Variants in EXOC2 observed in about 807,000 individuals in gnomAD.
The protein encoded by EXOC2 is exocyst complex component 2.
Under a neutral mutation model 131.8 loss-of-function variants are expected in EXOC2, and 70 were observed. That is an observed-to-expected ratio of 0.53 (90% confidence interval 0.44 to 0.65). The LOEUF (loss-of-function observed/expected upper bound fraction) is 0.65, where lower values mean the gene tolerates loss of function less well. EXOC2 is among the 30% of genes least tolerant of loss of function. The pLI, the probability that EXOC2 is intolerant of heterozygous loss-of-function variation, is 0.00. For synonymous variants in EXOC2, 411 were observed against 398.4 expected, an observed-to-expected ratio of 1.03 and a Z score of -0.38; for missense variants, 923 against 1,108.6, an observed-to-expected ratio of 0.83 and a Z score of 2.38.
chr6:551,148 G>A (rs554926506), intron 21 of EXOC2, among the ~76,000 whole-genome samples: 2 of 152,252 alleles, frequency 1.3e-5, no homozygotes, highest in South Asian at 2.1e-4. Context: ...AAACAACGCC[G>A]CCCATCAAAT....
chr6:539,396 G>A (rs573847437), intron 22 of EXOC2, among the ~76,000 whole-genome samples: 250 of 151,594 alleles, frequency 1.6e-3, no homozygotes, highest in Admixed American at 4.0e-3. Flanking sequence ...CTCACGCACC[G>A]GCACTGATGC....
chr6:692,298 A>C (rs1015333998), intron 1 of EXOC2, among the ~76,000 whole-genome samples: 3 of 152,252 alleles, frequency 2.0e-5, no homozygotes, highest in African/African-American at 7.2e-5. Context: ...GAGTTCTTTC[A>C]AGAACTATTT....
intron 10 of EXOC2, among the ~76,000 whole-genome samples, chr6:593,022 G>A (rs1312635730): frequency 7.9e-5 from 12 of 152,076 alleles, no homozygotes; most frequent in South Asian, 6.2e-4. Flanking sequence ...AGAGTGAGAC[G>A]CCATCTCCAA....
intron 22 of EXOC2, among the ~76,000 whole-genome samples, chr6:539,210 G>C (rs531437359): frequency 3.7e-4 from 57 of 152,194 alleles, no homozygotes; most frequent in African/African-American, 1.0e-3. Context: ...CACTGAATTC[G>C]TACATATTAG....
At chr6:642,150 C>G (rs1279893197) in intron 1 of EXOC2, among the ~76,000 whole-genome samples, 3 of 152,110 alleles carry the variant, frequency 2.0e-5, no homozygotes, top group African/African-American at 7.2e-5. Context: ...GAGAAATTTC[C>G]AAGTTTATTA....
chr6:544,158 T>A (rs1340720491), intron 22 of EXOC2, among the ~76,000 whole-genome samples: 1 of 152,216 alleles, frequency 6.6e-6, no homozygotes, highest in African/African-American at 2.4e-5. Flanking sequence ...ACTCCTTATT[T>A]CCTGCACTTC....
chr6:606,954 TAAG>T (rs1561918284), intron 7 of EXOC2, among the ~76,000 whole-genome samples: 1 of 152,134 alleles, frequency 6.6e-6, no homozygotes, highest in Non-Finnish European at 1.5e-5. Flanking sequence ...CACTGGGAGA[TAAG>T]GAGGTAGCAC....
chr6:668,009 G>A (rs978039767), intron 1 of EXOC2, among the ~76,000 whole-genome samples: 2 of 152,064 alleles, frequency 1.3e-5, no homozygotes, highest in Admixed American at 6.5e-5. Flanking sequence ...ATTCTTCCTT[G>A]CATGGTTTCT....
chr6:603,610 CTTCT>C (rs1333837886), intron 7 of EXOC2, among the ~76,000 whole-genome samples: 2 of 151,906 alleles, frequency 1.3e-5, no homozygotes, highest in Non-Finnish European at 1.5e-5. Flanking sequence ...TTTCTATCTT[CTTCT>C]TTTTTTTTTT....
chr6:505,818 A>C (rs1013820004), intron 23 of EXOC2, among the ~76,000 whole-genome samples: 4 of 152,364 alleles, frequency 2.6e-5, no homozygotes, highest in African/African-American at 9.6e-5. Context: ...AGATGGCACA[A>C]GATGTTCAAA....
At chr6:554,460 C>T (rs1235683475) in intron 20 of EXOC2, among the ~76,000 whole-genome samples, 1 of 152,090 alleles carries the variant, frequency 6.6e-6, no homozygotes, top group East Asian at 1.9e-4. Context: ...TGACTAACAA[C>T]CAATTCCTGG....
At chr6:669,898 C>T (rs1024008496) in intron 1 of EXOC2, 1 of 152,242 alleles carries the variant, frequency 6.6e-6, no homozygotes, top group African/African-American at 2.4e-5. Flanking sequence ...CCATGGGTCC[C>T]TCATGATTTC....
At chr6:578,102 TG>T (rs1758684541) in intron 11 of EXOC2, among the ~76,000 whole-genome samples, 1 of 152,204 alleles carries the variant, frequency 6.6e-6, no homozygotes, top group Non-Finnish European at 1.5e-5. Context: ...CCACAGTCAT[TG>T]GACCTTCCAC....
chr6:556,038 A>C (rs774491673), intron 18 of EXOC2, 25 bp from the exon 19 acceptor site: 44 of 1,609,576 alleles, frequency 2.7e-5, no homozygotes, highest in Non-Finnish European at 3.7e-5. Flanking sequence ...TTTGATGAAA[A>C]TTTTTGGACT....
chr6:624,421 C>T (rs1349712263), intron 4 of EXOC2, among the ~76,000 whole-genome samples: 3 of 152,100 alleles, frequency 2.0e-5, no homozygotes, highest in Non-Finnish European at 4.4e-5. Context: ...CTTGTGGAAG[C>T]CTAGCAGTTT....
At chr6:554,406 G>A (rs563190963) in intron 20 of EXOC2, among the ~76,000 whole-genome samples, 1 of 152,254 alleles carries the variant, frequency 6.6e-6, no homozygotes, top group South Asian at 2.1e-4. Context: ...TGGATAATCT[G>A]TTAACATGGG....
intron 5 of EXOC2, among the ~76,000 whole-genome samples, chr6:618,394 C>G (rs1299704531): frequency 1.3e-5 from 2 of 152,150 alleles, no homozygotes; most frequent in Non-Finnish European, 2.9e-5. Context: ...ATATCTAAAG[C>G]AGAGAAAACT....
intron 22 of EXOC2, among the ~76,000 whole-genome samples, chr6:540,636 G>A (rs1581396461): frequency 6.6e-6 from 1 of 151,946 alleles, no homozygotes; most frequent in South Asian, 2.1e-4. Context: ...TAAAGATGAG[G>A]AGAATAAAAA....
chr6:493,237 T>C (rs1763537043), intron 25 of EXOC2, among the ~76,000 whole-genome samples: 2 of 152,338 alleles, frequency 1.3e-5, no homozygotes, highest in East Asian at 3.9e-4. Context: ...CCTTTTTCTG[T>C]TTGGAAGGCA....
Sources: allele counts gnomAD v4.1 joint callset (sites outside exome capture counted in the v4.1 genomes callset), GRCh38; gene constraint gnomAD v4.1.1; transcripts MANE v1.5; gene names NCBI Gene and HGNC (gene_info 2026-07-23, HGNC 2026-07-21).